The following PDE6D variants were observed in gnomAD, a reference collection of about 807,000 sequenced individuals.
PDE6D encodes the protein phosphodiesterase 6D.
Under a neutral mutation model 21.9 loss-of-function variants are expected in PDE6D, and 10 were observed. That is an observed-to-expected ratio of 0.46 (90% CI 0.28 to 0.78). PDE6D has a LOEUF of 0.78. Ranked by LOEUF, PDE6D falls within the 30% of genes least tolerant of loss-of-function variation. PDE6D has a pLI of 0.12. For synonymous variants in PDE6D, 59 were observed against 63.5 expected (o/e 0.93, Z 0.34); for missense variants, 139 against 184.8 (o/e 0.75, Z 1.44).
chr2:231,766,457 G>C (rs2048971571), intron 1 of PDE6D, among the ~76,000 whole-genome samples: 1 of 152,110 alleles, frequency 6.6e-6, no homozygotes, highest in South Asian at 2.1e-4. Context: ...ATTCTTAGAG[G>C]CTCCCTTTGC....
chr2:231,780,535 GGGTGC>G (rs923559241), intron 1 of PDE6D, among the ~76,000 whole-genome samples: 7 of 152,114 alleles, frequency 4.6e-5, no homozygotes, highest in Admixed American at 6.5e-5. Context: ...GACGGGGGTG[GGGTGC>G]GGTGCGGTGC....
At chr2:231,766,257 A>G (rs1194324303) in intron 1 of PDE6D, among the ~76,000 whole-genome samples, 1 of 152,228 alleles carries the variant, frequency 6.6e-6, no homozygotes, top group African/African-American at 2.4e-5. Flanking sequence ...GGCCTGGGAA[A>G]CAGTGGAGGC....
intron 3 of PDE6D, chr2:231,737,674 T>C (rs1158745945): frequency 1.3e-5 from 4 of 300,098 alleles, no homozygotes; most frequent in Non-Finnish European, 2.5e-5. Flanking sequence ...CAGAGTGGCC[T>C]TGCCAGTCAA....
At chr2:231,741,830 A>G (rs1009364600) in intron 1 of PDE6D, among the ~76,000 whole-genome samples, 1 of 152,234 alleles carries the variant, frequency 6.6e-6, no homozygotes, top group Non-Finnish European at 1.5e-5. Context: ...CAATGAAAGC[A>G]CATGCTAACA....
At chr2:231,770,245 A>G (rs2049003836) in intron 1 of PDE6D, among the ~76,000 whole-genome samples, 1 of 152,222 alleles carries the variant, frequency 6.6e-6, no homozygotes, top group Non-Finnish European at 1.5e-5. Flanking sequence ...GACCCCTATG[A>G]GTAGCCATCT....
chr2:231,750,646 AC>A (rs2048832124), intron 1 of PDE6D, among the ~76,000 whole-genome samples: 1 of 141,310 alleles, frequency 7.1e-6, no homozygotes. Flanking sequence ...GGTGTGTGCC[AC>A]CATGCTCATC....
intron 4 of PDE6D, among the ~76,000 whole-genome samples, chr2:231,733,409 G>A (rs1203409896): frequency 6.6e-6 from 1 of 152,114 alleles, no homozygotes; most frequent in Non-Finnish European, 1.5e-5. Flanking sequence ...AGACCTCAGG[G>A]GCAGTATCCT....
intron 1 of PDE6D, among the ~76,000 whole-genome samples, chr2:231,774,090 C>T (rs565766794): frequency 2.6e-4 from 40 of 152,098 alleles, no homozygotes; most frequent in Admixed American, 7.2e-4. Flanking sequence ...CACACCACTA[C>T]GCCTGACTAA....
chr2:231,756,530 G>A (rs1389889518), intron 1 of PDE6D, among the ~76,000 whole-genome samples: 1 of 151,864 alleles, frequency 6.6e-6, no homozygotes, highest in Non-Finnish European at 1.5e-5. Context: ...TTGAACTCCT[G>A]GGTGCCAGCA....
intron 1 of PDE6D, among the ~76,000 whole-genome samples, chr2:231,763,577 T>C (rs866776507): frequency 2.0e-5 from 3 of 152,294 alleles, no homozygotes; most frequent in South Asian, 4.1e-4. Flanking sequence ...AATTTATTTG[T>C]TGATTTCAAT....
intron 1 of PDE6D, among the ~76,000 whole-genome samples, chr2:231,740,370 G>A (rs531289104): frequency 1.3e-5 from 2 of 152,184 alleles, no homozygotes; most frequent in East Asian, 3.9e-4. Flanking sequence ...CTTTCAGAAC[G>A]AAAAAGGCAA....
chr2:231,769,357 C>A (rs1286479978), intron 1 of PDE6D, among the ~76,000 whole-genome samples: 1 of 152,146 alleles, frequency 6.6e-6, no homozygotes, highest in East Asian at 1.9e-4. Context: ...AGTTACATTT[C>A]TCACTTCCTA....
intron 1 of PDE6D, among the ~76,000 whole-genome samples, chr2:231,759,469 C>CA (rs1217403599): frequency 6.6e-6 from 1 of 151,918 alleles, no homozygotes; most frequent in Non-Finnish European, 1.5e-5. Context: ...CAAAGGAAGG[C>CA]AAGCAAGCAT....
chr2:231,763,306 C>T (rs1402457710), intron 1 of PDE6D, among the ~76,000 whole-genome samples: 1 of 152,176 alleles, frequency 6.6e-6, no homozygotes, highest in Non-Finnish European at 1.5e-5. Context: ...GAGTTTCTCA[C>T]TTAATCATTT....
intron 3 of PDE6D, chr2:231,737,527 G>C (rs896574228): frequency 2.3e-6 from 1 of 438,364 alleles, no homozygotes; most frequent in East Asian, 3.9e-5. Flanking sequence ...TAGGACCAGC[G>C]AGCAGGACAC....
At chr2:231,754,211 G>C (rs1397792439) in intron 1 of PDE6D, among the ~76,000 whole-genome samples, 1 of 152,170 alleles carries the variant, frequency 6.6e-6, no homozygotes, top group East Asian at 1.9e-4. Context: ...ATTGTTATCA[G>C]AGGCTGGCTA....
At chr2:231,750,791 A>C (rs2048833946) in intron 1 of PDE6D, among the ~76,000 whole-genome samples, 1 of 150,834 alleles carries the variant, frequency 6.6e-6, no homozygotes, top group African/African-American at 2.4e-5. Context: ...TACAGGAGTG[A>C]GCCACCATGC....
At chr2:231,780,771 G>A (rs868838992) in intron 1 of PDE6D, among the ~76,000 whole-genome samples, 1 of 151,918 alleles carries the variant, frequency 6.6e-6, no homozygotes, top group African/African-American at 2.4e-5. Context: ...CGGCTTCTCC[G>A]ACAGCGTTTC....
chr2:231,771,829 T>C (rs1318728229), intron 1 of PDE6D, among the ~76,000 whole-genome samples: 1 of 152,188 alleles, frequency 6.6e-6, no homozygotes, highest in African/African-American at 2.4e-5. Flanking sequence ...AAAAAGTACT[T>C]GTTAAGTAAG....
Sources: gnomAD v4.1 joint callset for allele counts (sites outside exome capture counted in the v4.1 genomes callset) on GRCh38, gnomAD v4.1.1 for gene constraint, MANE v1.5 for transcripts, NCBI Gene and HGNC (gene_info 2026-07-23, HGNC 2026-07-21) for gene names.